Variants in RFX3 observed in about 807,000 individuals in gnomAD.
RFX3 encodes the protein transcription factor RFX3.
A neutral mutation model predicts 98.6 loss-of-function variants in RFX3; 14 were observed. The ratio of observed to expected loss-of-function variants is 0.14; its 90% CI spans 0.09 to 0.22. The LOEUF (loss-of-function observed/expected upper bound fraction) is 0.22, where lower values mean the gene tolerates loss of function less well. Ranked by LOEUF, RFX3 falls within the 10% of genes least tolerant of loss-of-function variation. The pLI is 1.00. For missense variants in RFX3, 639 were observed against 926.9 expected, an observed-to-expected ratio of 0.69 and a Z score of 4.03; for synonymous variants, 383 against 328.4, an observed-to-expected ratio of 1.17 and a Z score of -1.80.
At chr9:3,484,601 A>G (rs1850089926) in intron 1 of RFX3, among the ~76,000 whole-genome samples, 1 of 152,206 alleles carries the variant, frequency 6.6e-6, no homozygotes, top group African/African-American at 2.4e-5. Context: ...TAGTATCTGA[A>G]AACATTTAGT....
intron 9 of RFX3, among the ~76,000 whole-genome samples, chr9:3,273,255 T>C (rs80111154): frequency 0.049 from 7,516 of 152,158 alleles, 542 homozygotes; most frequent in African/African-American, 0.16. Flanking sequence ...CAGGAAAAAA[T>C]AATTAGAATT....
intron 3 of RFX3, among the ~76,000 whole-genome samples, chr9:3,340,440 A>C (rs1278742702): frequency 2.0e-5 from 3 of 152,232 alleles, no homozygotes; most frequent in Non-Finnish European, 4.4e-5. Flanking sequence ...GCACAGCAAA[A>C]GAAACTACCA....
rs138729309 is a variant in RFX3 at position 3,326,800 on chromosome 9, G to C, written c.474+3459C>G. On this transcript the variant is annotated intron_variant, in intron 4 of 16. Transcript: ENST00000617270. ...AGCAGAAAACTTTGCCATAGGAACT[G>C]GGTAACAGTGTTTGCTTTGTGCTGT... Among the ~76,000 whole-genome samples, 85 of 152,234 alleles carry C rather than the reference G, an allele frequency of 5.6e-4. No individual in the cohort carries two copies. The East Asian group carries it at 0.013, about 24-fold the overall frequency.
intron 14 of RFX3, among the ~76,000 whole-genome samples, chr9:3,249,925 T>C (rs1821164703): frequency 6.6e-6 from 1 of 151,994 alleles, no homozygotes; most frequent in Admixed American, 6.6e-5. Flanking sequence ...ACGAATTCCT[T>C]AAGTTTACAG....
At chr9:3,378,506 T>TAAATAGA (rs1052337289) in intron 2 of RFX3, among the ~76,000 whole-genome samples, 2 of 151,518 alleles carry the variant, frequency 1.3e-5, no homozygotes, top group African/African-American at 4.8e-5. Context: ...TAAGTAAAAA[T>TAAATAGA]AAATAGAAAT....
chr9:3,287,501 G>C (rs1272819997), intron 7 of RFX3, among the ~76,000 whole-genome samples: 2 of 151,894 alleles, frequency 1.3e-5, no homozygotes, highest in Non-Finnish European at 2.9e-5. Context: ...GGACTCATCT[G>C]AAAAAACAGA....
intron 9 of RFX3, among the ~76,000 whole-genome samples, chr9:3,273,864 C>CA (rs34744889): frequency 0.082 from 5,669 of 69,308 alleles, 363 homozygotes; most frequent in African/African-American, 0.2. Flanking sequence ...GACTCTGTCT[C>CA]AAAAAAAAAA....
intron 1 of RFX3, among the ~76,000 whole-genome samples, chr9:3,415,108 A>ATATATATATTCT (rs1842867474): frequency 1.1e-5 from 1 of 92,494 alleles, no homozygotes; most frequent in Non-Finnish European, 1.9e-5. Context: ...ATATATAAGT[A>ATATATATATTCT]TATATATATA....
intron 1 of RFX3, among the ~76,000 whole-genome samples, chr9:3,474,021 T>C (rs1367653237): frequency 6.6e-6 from 1 of 152,164 alleles, no homozygotes; most frequent in Non-Finnish European, 1.5e-5. Context: ...ATTCAGTAGG[T>C]CTGGAGTAAA....
chr9:3,410,808 G>T (rs141019928), intron 1 of RFX3, among the ~76,000 whole-genome samples: 2 of 152,092 alleles, frequency 1.3e-5, no homozygotes, highest in South Asian at 2.1e-4. Context: ...AAACTGCTTT[G>T]TACAAATGTA....
At chr9:3,244,151 T>C (rs920368375) in intron 15 of RFX3, among the ~76,000 whole-genome samples, 2 of 151,838 alleles carry the variant, frequency 1.3e-5, no homozygotes, top group East Asian at 1.9e-4. Flanking sequence ...TACAGGCACA[T>C]GCCACCACGC....
chr9:3,347,807 C>A (rs1291588221), intron 2 of RFX3, among the ~76,000 whole-genome samples: 1 of 152,040 alleles, frequency 6.6e-6, no homozygotes, highest in Non-Finnish European at 1.5e-5. Context: ...GCCTGGGCAA[C>A]AAGATCAAAA....
intron 1 of RFX3, among the ~76,000 whole-genome samples, chr9:3,455,303 T>C (rs1260041082): frequency 1.3e-5 from 2 of 152,172 alleles, no homozygotes; most frequent in Admixed American, 6.5e-5. Flanking sequence ...TTACTCACCC[T>C]AGATCCCTCT....
chr9:3,234,612 C>G (rs1818890817), intron 15 of RFX3, among the ~76,000 whole-genome samples: 1 of 152,146 alleles, frequency 6.6e-6, no homozygotes, highest in African/African-American at 2.4e-5. Flanking sequence ...GTACTCCAGC[C>G]TGGGTGACAG....
rs943913411 is a variant in RFX3 at position 3,262,929 on chromosome 9, G to C, written c.1605+6C>G. The C allele has an allele frequency of 3.1e-6, 5 of 1,612,486 alleles. No individual in the cohort carries two copies. Among genetic ancestry groups the C allele is most frequent in the African/African-American group, 2.7e-5 (2 of 74,842 alleles). On this transcript the variant is annotated splice_donor_region_variant and intron_variant, in intron 13 of 16. Transcript: ENST00000617270. ...AAGAGACATGCTTTGCAAGGAAATA[G>C]AATACCTGGACATTGGCAAAGTCGA...
chr9:3,477,440 A>G (rs1313165328), intron 1 of RFX3, among the ~76,000 whole-genome samples: 2 of 152,220 alleles, frequency 1.3e-5, no homozygotes, highest in Non-Finnish European at 2.9e-5. Flanking sequence ...AGTTTTGAAG[A>G]AAAGTTTAGC....
At chr9:3,296,349 A>G (rs368534555) in intron 5 of RFX3, among the ~76,000 whole-genome samples, 1 of 152,128 alleles carries the variant, frequency 6.6e-6, no homozygotes, top group African/African-American at 2.4e-5. Context: ...TTATATCCCA[A>G]TTGAATAATT....
intron 2 of RFX3, among the ~76,000 whole-genome samples, chr9:3,355,013 A>G (rs1326589023): frequency 6.6e-6 from 1 of 151,868 alleles, no homozygotes; most frequent in Non-Finnish European, 1.5e-5. Flanking sequence ...TATAATATTC[A>G]TATATATTTA....
intron 1 of RFX3, among the ~76,000 whole-genome samples, chr9:3,519,566 T>C (rs535871283): frequency 6.6e-6 from 1 of 152,236 alleles, no homozygotes. Flanking sequence ...TCTCCTTTAA[T>C]CCTCACAAAA....
Sources: gnomAD v4.1 joint callset for allele counts (sites outside exome capture counted in the v4.1 genomes callset) on GRCh38, gnomAD v4.1.1 for gene constraint, MANE v1.5 for transcripts, NCBI Gene and HGNC (gene_info 2026-07-23, HGNC 2026-07-21) for gene names.